Variants in RELCH observed in about 807,000 individuals in gnomAD.
RELCH encodes RAB11-binding protein RELCH.
A neutral mutation model predicts 150.3 loss-of-function variants in RELCH; 41 were observed. That is an observed-to-expected ratio of 0.27 (90% confidence interval 0.21 to 0.35). The LOEUF (loss-of-function observed/expected upper bound fraction) is 0.35. Ranked by LOEUF, RELCH falls within the 10% of genes least tolerant of loss-of-function variation. The pLI is 1.00. For missense variants in RELCH, 1,092 were observed against 1,467.8 expected (o/e 0.74, Z 4.18); for synonymous variants, 478 against 531.8 (o/e 0.90, Z 1.39).
At chr18:62,202,377 A>T (rs1178635612) in intron 1 of RELCH, among the ~76,000 whole-genome samples, 1 of 152,196 alleles carries the variant, frequency 6.6e-6, no homozygotes, top group Non-Finnish European at 1.5e-5. Context: ...CAAAGTACAT[A>T]TAGGGTAGTC....
chr18:62,298,240 A>T (rs2045510204), intron 27 of RELCH, among the ~76,000 whole-genome samples: 1 of 152,184 alleles, frequency 6.6e-6, no homozygotes, highest in Non-Finnish European at 1.5e-5. Context: ...GCAGCAGTTT[A>T]GTTCTCTCTA....
intron 1 of RELCH, among the ~76,000 whole-genome samples, chr18:62,188,831 G>C (rs9959663): frequency 0.41 from 62,921 of 152,060 alleles, 13,182 homozygotes; most frequent in Middle Eastern, 0.58. Context: ...CAAAGATGTA[G>C]TGTACTGTAT....
chr18:62,305,584 T>C lies in RELCH; in HGVS notation c.*50T>C. ...ACACTAAGATGGACCTCAAGCCGAC[T>C]GGTTCCTTGTACTTGAAGTACTTGC... On this transcript the variant is annotated 3_prime_UTR_variant, in exon 29 of 29. Coordinates refer to ENST00000644646, the MANE Select transcript of RELCH (RefSeq NM_001346231.2). The surrounding 1 kb of genome is among the most constrained non-coding windows in gnomAD (Gnocchi z 4.0). The C allele has an allele frequency of 6.5e-7, 1 of 1,542,822 alleles. No individual in the cohort carries two copies. The highest frequency in any genetic ancestry group is 8.7e-7 in the Non-Finnish European group (1 of 1,148,558).
At chr18:62,214,862 T>C (rs8090980) in intron 2 of RELCH, among the ~76,000 whole-genome samples, 111,292 of 151,804 alleles carry the variant, frequency 0.73, 41,056 homozygotes, top group East Asian at 0.91. Flanking sequence ...TGGAGGGCAC[T>C]CTGGTCCTGC....
At position 62,227,432 on chromosome 18, in the gene RELCH, G is replaced by T; in HGVS notation, c.1002G>T (p.Glu334Asp). Reference protein sequence around the residue: ...VASGVEEDELEALTPIISNLP... With the variant: ...VASGVEEDELDALTPIISNLP... ...GTGGAGTAGAAGAAGATGAATTAGA[G>T]GCCCTTACACCAATTATAAGCAACC... is the stretch of plus-strand genomic sequence containing the variant. The change falls in exon 6 of 29, where the codon GAG becomes GAT. Residue 334 changes from glutamate to aspartate, a missense_variant. By Grantham distance (45) the Glu-to-Asp change is conservative. Coordinates refer to ENST00000644646, the MANE Select transcript of RELCH (RefSeq NM_001346231.2). 1 of 1,613,198 alleles carries T rather than the reference G, an allele frequency of 6.2e-7. No individual in the cohort carries two copies. The highest frequency in any genetic ancestry group is 8.5e-7 in the Non-Finnish European group (1 of 1,179,594).
chr18:62,255,119 CT>C (rs1018137990), intron 12 of RELCH, among the ~76,000 whole-genome samples: 3 of 152,086 alleles, frequency 2.0e-5, no homozygotes, highest in African/African-American at 4.8e-5. Flanking sequence ...TCCTGTTACT[CT>C]AAGGAAGGCC....
chr18:62,253,688 C>T (rs2042847573), intron 12 of RELCH, among the ~76,000 whole-genome samples: 1 of 151,910 alleles, frequency 6.6e-6, no homozygotes, highest in Non-Finnish European at 1.5e-5. Flanking sequence ...TCATTTTTTC[C>T]ACCAAAATAA....
At chr18:62,201,694 C>T (rs777438360) in intron 1 of RELCH, among the ~76,000 whole-genome samples, 42 of 152,106 alleles carry the variant, frequency 2.8e-4, no homozygotes, top group Non-Finnish European at 5.4e-4. Flanking sequence ...AACATTAATG[C>T]AAATGTAAGC....
At chr18:62,277,677 A>G in intron 22 of RELCH, 1 of 977,136 alleles carries the variant, frequency 1.0e-6, no homozygotes. Context: ...GAAATTCACT[A>G]ATAAATTGAG....
chr18:62,251,332 A>T (rs939510347), intron 11 of RELCH, among the ~76,000 whole-genome samples: 1 of 152,198 alleles, frequency 6.6e-6, no homozygotes, highest in Non-Finnish European at 1.5e-5. Flanking sequence ...TTAATCACAC[A>T]GTTGGTCATT....
chr18:62,287,308 C>A, intron 25 of RELCH, 43 bp from the exon 26 acceptor site: 2 of 885,806 alleles, frequency 2.3e-6, no homozygotes, highest in Non-Finnish European at 1.9e-6. Context: ...GTTTTGTATG[C>A]ATGTTTTGGG....
In RELCH at chr18:62,305,417, A is replaced by G. The variant is rs756156411; in HGVS notation, c.3534A>G (p.Ser1178=). The G allele has an allele frequency of 6.3e-7, 1 of 1,591,398 alleles. No individual in the cohort carries two copies. The highest frequency in any genetic ancestry group is 8.5e-7 in the Non-Finnish European group (1 of 1,171,498). ...ENKTVQEPQG[S]MSIAASLVSE... ...AATTTTAAATTTTCTTTCCTAGCTC[A>G]ATGTCAATTGCTGCAAGCTTAGTGA... The change falls in exon 29 of 29, where the codon TCA becomes TCG. Residue 1178 remains serine, a synonymous_variant. Transcript: ENST00000644646. The surrounding 1 kb of genome is among the most constrained non-coding windows in gnomAD (Gnocchi z 4.0).
intron 2 of RELCH, among the ~76,000 whole-genome samples, chr18:62,217,094 T>G (rs998970205): frequency 6.6e-6 from 1 of 151,948 alleles, no homozygotes; most frequent in Non-Finnish European, 1.5e-5. Flanking sequence ...ATCATTGTGG[T>G]GGGTGGTTAT....
intron 27 of RELCH, among the ~76,000 whole-genome samples, chr18:62,296,625 C>G (rs115989560): frequency 0.023 from 3,493 of 152,156 alleles, 44 homozygotes; most frequent in Middle Eastern, 0.068. Flanking sequence ...GTCTACTTCC[C>G]CTTTTAGTTC....
chr18:62,273,394 T>C (rs1382714524), intron 20 of RELCH, among the ~76,000 whole-genome samples: 1 of 152,162 alleles, frequency 6.6e-6, no homozygotes, highest in Non-Finnish European at 1.5e-5. Flanking sequence ...TGTGCAGTTT[T>C]CACCACTAGG....
chr18:62,298,735 C>T, intron 27 of RELCH, 55 bp from the exon 28 acceptor site: 3 of 814,332 alleles, frequency 3.7e-6, no homozygotes, highest in African/African-American at 1.7e-5. Context: ...TTAGATTAAA[C>T]CATAGTATTT....
At chr18:62,248,467 A>G (rs1775747848) in intron 11 of RELCH, among the ~76,000 whole-genome samples, 1 of 152,164 alleles carries the variant, frequency 6.6e-6, no homozygotes, top group African/African-American at 2.4e-5. Flanking sequence ...AGCAGAGGGA[A>G]CACTGGCCTC....
intron 13 of RELCH, 106 bp downstream of exon 13, chr18:62,255,584 T>A (rs1300397526): frequency 1.3e-6 from 1 of 791,144 alleles, no homozygotes; most frequent in Non-Finnish European, 2.0e-6. Flanking sequence ...AGATGTGCTG[T>A]CTTAATAAAG....
rs146995926 is a variant in RELCH, at chr18:62,210,833, T to G, written c.527-320T>G. ...GGATTCTGTTCTTTCAGTAGGCACTTGTTCAATCTGTAAACTCTTTCTTAG... is the reference window on the plus strand; with the variant it reads ...GGATTCTGTTCTTTCAGTAGGCACTGGTTCAATCTGTAAACTCTTTCTTAG... On this transcript the variant is annotated intron_variant, in intron 1 of 28. Transcript: ENST00000644646. 6.1e-3 allele frequency among the ~76,000 whole-genome samples: 922 copies of G among 152,320 alleles called. 5 individuals carry two copies. The highest frequency in any genetic ancestry group is 0.01 in the Non-Finnish European group (701 of 68,026).
Sources: allele counts gnomAD v4.1 joint callset (sites outside exome capture counted in the v4.1 genomes callset), GRCh38; gene constraint gnomAD v4.1.1; non-coding constraint Gnocchi (gnomAD v3.1); transcripts MANE v1.5; gene names NCBI Gene and HGNC (gene_info 2026-07-23, HGNC 2026-07-21).